The following ADAM28 variants were observed in gnomAD, a reference collection of about 807,000 sequenced individuals.
ADAM28 encodes disintegrin and metalloproteinase domain-containing protein 28.
A neutral mutation model predicts 101.2 loss-of-function variants in ADAM28; 105 were observed. The observed-to-expected ratio is 1.04, with a 90% CI of 0.89 to 1.22. ADAM28 has a LOEUF of 1.22. ADAM28 is among the 50% of genes most tolerant of loss of function. ADAM28 has a pLI of 0.00. For synonymous variants in ADAM28, 322 were observed against 310.6 expected (o/e 1.04, Z -0.39); for missense variants, 1,028 against 945.4 (o/e 1.09, Z -1.15).
chr8:24,323,741 G>A (rs2129291045), intron 8 of ADAM28, 93 bp from the exon 9 acceptor site: 1 of 1,277,570 alleles, frequency 7.8e-7, no homozygotes, highest in Admixed American at 2.5e-5. Context: ...ATACTGCTGT[G>A]ATGAATGTTT....
intron 6 of ADAM28, among the ~76,000 whole-genome samples, chr8:24,318,571 A>G (rs1811469807): frequency 6.6e-6 from 1 of 151,942 alleles, no homozygotes; most frequent in Non-Finnish European, 1.5e-5. Flanking sequence ...AACACCTGAT[A>G]TCACAAACCT....
At chr8:24,353,033 A>T (rs2129344460) in intron 21 of ADAM28, among the ~76,000 whole-genome samples, 1 of 152,236 alleles carries the variant, frequency 6.6e-6, no homozygotes, top group East Asian at 1.9e-4. Context: ...GTTAACTTGA[A>T]ATATCACAGC....
intron 18 of ADAM28, among the ~76,000 whole-genome samples, chr8:24,345,262 CTGT>C (rs1172761256): frequency 1.3e-5 from 2 of 151,752 alleles, no homozygotes; most frequent in African/African-American, 2.4e-5. Context: ...AGAAATGTTT[CTGT>C]TGTTCTAGGT....
At chr8:24,304,858 T>C (rs563132094) in intron 2 of ADAM28, among the ~76,000 whole-genome samples, 1 of 150,520 alleles carries the variant, frequency 6.6e-6, no homozygotes, top group Non-Finnish European at 1.5e-5. Flanking sequence ...GAGGTTGCAG[T>C]GAGCTGAGAT....
At chr8:24,310,730 C>G (rs1810342888) in intron 4 of ADAM28, among the ~76,000 whole-genome samples, 1 of 152,106 alleles carries the variant, frequency 6.6e-6, no homozygotes, top group Admixed American at 6.6e-5. Flanking sequence ...TTTTTCTGAG[C>G]TCCATTTTCC....
Position 24,332,768 on chromosome 8 carries a change from A to G in ADAM28, c.1371+19A>G, listed in dbSNP as rs1175442430. ...ATGCCAAGTAAGATTATTTTATTCT[A>G]TTTTAATAATTATGATTACATTTTT... On this transcript the variant is annotated intron_variant, in intron 13 of 22. Transcript: ENST00000265769. 3.1e-6 allele frequency: 4 copies of G among 1,305,846 alleles called. No homozygotes were observed. In the East Asian group the frequency reaches 8.0e-5, roughly 26 times the overall value. The allele number at this position is 1,305,846 out of a possible 1,614,324, so 80.9% of individuals were successfully genotyped here. A position where few individuals can be genotyped will look rare whatever the true frequency, so the allele number is the denominator to read the frequency against.
At chr8:24,327,347 T>C (rs1812759137) in intron 10 of ADAM28, among the ~76,000 whole-genome samples, 1 of 151,950 alleles carries the variant, frequency 6.6e-6, no homozygotes, top group Admixed American at 6.6e-5. Flanking sequence ...ATGAAGGACC[T>C]CTTCAAGGAG....
At chr8:24,331,119 T>C (rs747295751) in intron 11 of ADAM28, 31 bp from the exon 12 acceptor site, 2 of 1,584,796 alleles carry the variant, frequency 1.3e-6, no homozygotes. Context: ...AGCATGACTA[T>C]ATTCCAGTTT....
intron 2 of ADAM28, among the ~76,000 whole-genome samples, chr8:24,305,632 A>G (rs1809501148): frequency 2.0e-5 from 3 of 151,998 alleles, no homozygotes; most frequent in African/African-American, 7.2e-5. Context: ...AGAGTATTAA[A>G]TAAACACCAT....
chr8:24,331,911 T>C (rs1197825800), intron 12 of ADAM28, among the ~76,000 whole-genome samples: 3 of 152,182 alleles, frequency 2.0e-5, no homozygotes, highest in Non-Finnish European at 4.4e-5. Flanking sequence ...ATGTTATTGA[T>C]GCTTAATATA....
chr8:24,318,871 A>C (rs915257915), intron 6 of ADAM28, among the ~76,000 whole-genome samples: 1 of 152,026 alleles, frequency 6.6e-6, no homozygotes, highest in Non-Finnish European at 1.5e-5. Context: ...ATCCTCGTTC[A>C]GCAGAATCCA....
At chr8:24,319,984 A>AT in intron 6 of ADAM28, among the ~76,000 whole-genome samples, 1 of 152,082 alleles carries the variant, frequency 6.6e-6, no homozygotes, top group East Asian at 1.9e-4. Context: ...TAGCTCCCCT[A>AT]TTGTAACATA....
At chr8:24,345,306 T>G (rs1440791215) in intron 18 of ADAM28, among the ~76,000 whole-genome samples, 2 of 152,020 alleles carry the variant, frequency 1.3e-5, no homozygotes, top group African/African-American at 4.8e-5. Flanking sequence ...AGTTTTCTGG[T>G]TTCTGATTTA....
intron 14 of ADAM28, chr8:24,336,136 A>C (rs1814017454): frequency 1.0e-6 from 1 of 985,876 alleles, no homozygotes. Context: ...CTGGAAATGC[A>C]GAAAGCCAAT....
At chr8:24,352,983 G>C (rs1488207339) in intron 21 of ADAM28, among the ~76,000 whole-genome samples, 1 of 152,022 alleles carries the variant, frequency 6.6e-6, no homozygotes, top group Non-Finnish European at 1.5e-5. Flanking sequence ...TGCAAATACT[G>C]TCTCCACATC....
At chr8:24,336,096 A>G in intron 14 of ADAM28, 1 of 987,940 alleles carries the variant, frequency 1.0e-6, no homozygotes, top group Non-Finnish European at 1.2e-6. Context: ...TGGGACAGAA[A>G]TAAGAAAAGA....
chr8:24,298,893 C>A (rs183591413), intron 1 of ADAM28, among the ~76,000 whole-genome samples: 3 of 152,236 alleles, frequency 2.0e-5, no homozygotes, highest in Admixed American at 2.0e-4. Flanking sequence ...GAATCTCTCT[C>A]TCCAAAATGA....
rs199855027 is a variant in ADAM28 at position 24,349,871 on chromosome 8, C to T, written c.1998C>T (p.Ser666=). 6.2e-6 allele frequency: 10 copies of T among 1,613,484 alleles called. No individual in the cohort carries two copies. Among genetic ancestry groups the T allele is most frequent in the Non-Finnish European group, 1.7e-6 (2 of 1,179,684 alleles). ...CDDSSVVFHF[S]IVVGVLFPMA... Reference sequence around the variant, plus strand: ...CCCTGTTCTCTGCTGCAGACTTCTCCATTGTGGTTGGGGTGCTGTTCCCAA... The same window carrying T: ...CCCTGTTCTCTGCTGCAGACTTCTCTATTGTGGTTGGGGTGCTGTTCCCAA... The change falls in exon 19 of 23, where the codon TCC becomes TCT. Residue 666 remains serine, a synonymous_variant. Coordinates refer to ENST00000265769, the MANE Select transcript of ADAM28 (RefSeq NM_014265.6).
chr8:24,344,945 A>G (rs1815232334), intron 18 of ADAM28, among the ~76,000 whole-genome samples: 1 of 151,914 alleles, frequency 6.6e-6, no homozygotes. Flanking sequence ...CATAGCATGC[A>G]TAGCAGGTTT....
Sources: allele counts gnomAD v4.1 joint callset (sites outside exome capture counted in the v4.1 genomes callset), GRCh38; gene constraint gnomAD v4.1.1; transcripts MANE v1.5; gene names NCBI Gene and HGNC (gene_info 2026-07-23, HGNC 2026-07-21).